GNA14: variants seen among roughly 807,000 people sequenced by gnomAD.
The protein encoded by GNA14 is guanine nucleotide-binding protein subunit alpha-14.
In GNA14, 50 loss-of-function variants were observed where a neutral mutation model predicts 42.0. The observed-to-expected ratio is 1.19, with a 90% CI of 0.95 to 1.51. GNA14 has a LOEUF of 1.51. Among genes scored for constraint, GNA14 ranks in the 40% most tolerant of loss-of-function variants. GNA14 has a pLI of 0.00. For synonymous variants in GNA14, 173 were observed against 163.1 expected (o/e 1.06, Z -0.46); for missense variants, 473 against 446.2 (o/e 1.06, Z -0.54).
chr9:77,642,419 T>C (rs986321781), intron 1 of GNA14, among the ~76,000 whole-genome samples: 2 of 152,194 alleles, frequency 1.3e-5, no homozygotes, highest in Non-Finnish European at 2.9e-5. Context: ...AAAGCAAGCA[T>C]TTTTATTTTA....
At position 77,483,838 on chromosome 9, in the gene GNA14, C is replaced by A. The variant is rs186694080; in HGVS notation, c.309+45231G>T. Among the ~76,000 whole-genome samples, 4 of 152,072 alleles carry A rather than the reference C, an allele frequency of 2.6e-5. No individual in the cohort carries two copies. In the East Asian group the frequency reaches 7.7e-4, roughly 29 times the overall value. ...AGGGATAAAATGAAGGTATGACATT[C>A]TTTGAGAAAAAGAGAATATATAAGG... On this transcript the variant is annotated intron_variant, in intron 2 of 6. Transcript: ENST00000341700.
At chr9:77,454,793 C>A (rs906325375) in intron 2 of GNA14, among the ~76,000 whole-genome samples, 1 of 152,046 alleles carries the variant, frequency 6.6e-6, no homozygotes. Flanking sequence ...CTTTCTAATG[C>A]GAACAGTCAG....
chr9:77,524,614 C>T (rs1837405187), intron 2 of GNA14, among the ~76,000 whole-genome samples: 2 of 152,130 alleles, frequency 1.3e-5, no homozygotes, highest in South Asian at 2.1e-4. Context: ...TATAGCATGC[C>T]TCCTAAACCA....
intron 1 of GNA14, among the ~76,000 whole-genome samples, chr9:77,543,695 A>G (rs955705840): frequency 6.6e-6 from 1 of 152,184 alleles, no homozygotes; most frequent in East Asian, 1.9e-4. Context: ...GCTCCCAGCC[A>G]ATCCTGGCCA....
chr9:77,589,344 C>T (rs1183129954), intron 1 of GNA14, among the ~76,000 whole-genome samples: 1 of 152,200 alleles, frequency 6.6e-6, no homozygotes, highest in Non-Finnish European at 1.5e-5. Context: ...ATTCCTTTGA[C>T]TTTGACCTAG....
At chr9:77,587,806 C>T (rs1823328761) in intron 1 of GNA14, among the ~76,000 whole-genome samples, 2 of 152,296 alleles carry the variant, frequency 1.3e-5, no homozygotes, top group Non-Finnish European at 2.9e-5. Flanking sequence ...AATTGAAACA[C>T]ATGCACACAA....
chr9:77,564,370 G>A (rs1351260487), intron 1 of GNA14, among the ~76,000 whole-genome samples: 2 of 151,820 alleles, frequency 1.3e-5, no homozygotes, highest in African/African-American at 4.8e-5. Context: ...TGCAGTGTCA[G>A]GCTGCATACT....
chr9:77,523,826 C>T (rs1220340280), intron 2 of GNA14, among the ~76,000 whole-genome samples: 1 of 152,130 alleles, frequency 6.6e-6, no homozygotes, highest in South Asian at 2.1e-4. Context: ...TAGGGCTGAC[C>T]TTTGCCCTTG....
chr9:77,482,241 C>A, intron 2 of GNA14, among the ~76,000 whole-genome samples: 1 of 152,124 alleles, frequency 6.6e-6, no homozygotes, highest in Non-Finnish European at 1.5e-5. Context: ...TTAGGGCAGG[C>A]CTGGTGGTGA....
chr9:77,556,080 A>G (rs1021551109), intron 1 of GNA14, among the ~76,000 whole-genome samples: 2 of 152,098 alleles, frequency 1.3e-5, no homozygotes, highest in Non-Finnish European at 2.9e-5. Flanking sequence ...CCCCATCTCT[A>G]CAAAAATACA....
At chr9:77,562,775 T>A (rs1029274321) in intron 1 of GNA14, among the ~76,000 whole-genome samples, 6 of 152,208 alleles carry the variant, frequency 3.9e-5, no homozygotes, top group African/African-American at 1.4e-4. Flanking sequence ...GTTTAAAATT[T>A]TGTTTTATTT....
intron 1 of GNA14, among the ~76,000 whole-genome samples, chr9:77,646,954 G>A (rs1023084197): frequency 2.0e-5 from 3 of 152,202 alleles, no homozygotes; most frequent in African/African-American, 7.2e-5. Context: ...CTGAATCCTA[G>A]GACGTGGACA....
chr9:77,488,957 G>A (rs1235561754), intron 2 of GNA14, among the ~76,000 whole-genome samples: 1 of 152,032 alleles, frequency 6.6e-6, no homozygotes, highest in Non-Finnish European at 1.5e-5. Context: ...ACCCTAATGA[G>A]ATGGCAATAT....
chr9:77,600,253 C>T (rs934014981), intron 1 of GNA14, among the ~76,000 whole-genome samples: 6 of 152,202 alleles, frequency 3.9e-5, no homozygotes, highest in African/African-American at 1.4e-4. Context: ...TTCTTCCGTG[C>T]AATTCGCACC....
intron 2 of GNA14, among the ~76,000 whole-genome samples, chr9:77,470,810 A>C (rs1389922568): frequency 6.6e-6 from 1 of 152,162 alleles, no homozygotes; most frequent in African/African-American, 2.4e-5. Flanking sequence ...GAGAAGGGGA[A>C]GCAAGCACGT....
intron 1 of GNA14, among the ~76,000 whole-genome samples, chr9:77,537,884 C>T (rs1005529874): frequency 6.6e-6 from 1 of 151,628 alleles, no homozygotes; most frequent in Non-Finnish European, 1.5e-5. Context: ...CTTTTAAAAA[C>T]ATTCATATTC....
chr9:77,530,503 T>C (rs967298942), intron 1 of GNA14, among the ~76,000 whole-genome samples: 16 of 152,224 alleles, frequency 1.1e-4, no homozygotes, highest in Admixed American at 1.0e-3. Context: ...GATTTCTTCA[T>C]AGCAATGTGA....
In GNA14 at chr9:77,516,242, C is replaced by T. The variant is rs144951426; in HGVS notation, c.309+12827G>A. ...GAAAGCACTCTTAGCTTGTGCTATTCATTTCATTCGTATAACAAATATTTA... is the reference window on the plus strand; with the variant it reads ...GAAAGCACTCTTAGCTTGTGCTATTTATTTCATTCGTATAACAAATATTTA... On this transcript the variant is annotated intron_variant, in intron 2 of 6. Transcript: ENST00000341700. 3.1e-3 allele frequency among the ~76,000 whole-genome samples: 465 copies of T among 152,304 alleles called. 3 individuals carry two copies. The highest frequency in any genetic ancestry group is 0.011 in the African/African-American group (447 of 41,564).
At chr9:77,433,333 G>A (rs191295593) in intron 3 of GNA14, among the ~76,000 whole-genome samples, 7 of 152,160 alleles carry the variant, frequency 4.6e-5, no homozygotes, top group East Asian at 3.9e-4. Flanking sequence ...CTATTTACCC[G>A]GTGACCAGAC....
Sources: gnomAD v4.1 joint callset for allele counts (sites outside exome capture counted in the v4.1 genomes callset) on GRCh38, gnomAD v4.1.1 for gene constraint, MANE v1.5 for transcripts, NCBI Gene and HGNC (gene_info 2026-07-23, HGNC 2026-07-21) for gene names.